The following PTPRD variants were observed in gnomAD, a reference collection of about 807,000 sequenced individuals.
PTPRD encodes the protein receptor-type tyrosine-protein phosphatase delta.
Under a neutral mutation model 214.5 loss-of-function variants are expected in PTPRD, and 34 were observed. The observed-to-expected ratio is 0.16, with a 90% CI of 0.12 to 0.21. The LOEUF is 0.21. Ranked by LOEUF, PTPRD falls within the 10% of genes least tolerant of loss-of-function variation. The probability of loss-of-function intolerance (pLI) is 1.00; values close to 1 mark genes in which losing one functional copy is unlikely to be tolerated. For missense variants in PTPRD, 2,545 were observed against 2,398.7 expected (o/e 1.06, Z -1.27); for synonymous variants, 1,128 against 845.7 (o/e 1.33, Z -5.79).
At chr9:10,155,709 G>A (rs1429793948) in intron 3 of PTPRD, among the ~76,000 whole-genome samples, 2 of 152,052 alleles carry the variant, frequency 1.3e-5, no homozygotes, top group African/African-American at 4.8e-5. Context: ...TAAGTATGTG[G>A]TTTTGTCTTT....
intron 2 of PTPRD, among the ~76,000 whole-genome samples, chr9:10,449,340 G>A (rs1167112871): frequency 3.3e-5 from 5 of 151,926 alleles, no homozygotes; most frequent in Non-Finnish European, 5.9e-5. Flanking sequence ...CTCACTCAGT[G>A]CTCAATGTCG....
chr9:9,797,925 G>A (rs1012292767), intron 5 of PTPRD, among the ~76,000 whole-genome samples: 1 of 152,078 alleles, frequency 6.6e-6, no homozygotes, highest in Non-Finnish European at 1.5e-5. Flanking sequence ...AGAAAATGAT[G>A]GATTTGAGGT....
At chr9:9,443,586 G>A (rs2089176495) in intron 8 of PTPRD, among the ~76,000 whole-genome samples, 1 of 152,164 alleles carries the variant, frequency 6.6e-6, no homozygotes, top group Admixed American at 6.5e-5. Flanking sequence ...TGTTACGTAA[G>A]AAGTCTGACT....
intron 7 of PTPRD, among the ~76,000 whole-genome samples, chr9:9,649,119 C>G (rs548666190): frequency 6.6e-6 from 1 of 152,170 alleles, no homozygotes; most frequent in East Asian, 1.9e-4. Context: ...TATTCAGGGT[C>G]TGTGACTAAT....
intron 9 of PTPRD, among the ~76,000 whole-genome samples, chr9:9,223,389 T>A (rs1303431257): frequency 1.3e-5 from 2 of 152,034 alleles, no homozygotes; most frequent in East Asian, 3.9e-4. Flanking sequence ...TGTAAGAAGA[T>A]GAATTCCACA....
At chr9:8,499,624 G>A (rs2136794956) in intron 25 of PTPRD, 23 bp downstream of exon 25, 1 of 1,595,858 alleles carries the variant, frequency 6.3e-7, no homozygotes, top group Non-Finnish European at 8.5e-7. Context: ...TAAAAACAGA[G>A]GTACATAATT....
At chr9:9,501,437 G>T (rs1184006052) in intron 8 of PTPRD, among the ~76,000 whole-genome samples, 1 of 151,828 alleles carries the variant, frequency 6.6e-6, no homozygotes, top group Non-Finnish European at 1.5e-5. Context: ...AATCATATAT[G>T]TGTATGCACC....
At chr9:8,539,503 T>C (rs1250641473) in intron 14 of PTPRD, among the ~76,000 whole-genome samples, 1 of 151,834 alleles carries the variant, frequency 6.6e-6, no homozygotes, top group Non-Finnish European at 1.5e-5. Flanking sequence ...TTTAACTATT[T>C]TTAAAATAAT....
intron 5 of PTPRD, among the ~76,000 whole-genome samples, chr9:9,794,201 G>GTA (rs112615686): frequency 0.14 from 20,271 of 146,876 alleles, 1,628 homozygotes; most frequent in African/African-American, 0.22. Flanking sequence ...GTGTGTGTGT[G>GTA]TATATATATA....
intron 3 of PTPRD, among the ~76,000 whole-genome samples, chr9:10,239,201 T>C (rs1564721232): frequency 2.0e-5 from 3 of 151,952 alleles, no homozygotes; most frequent in Non-Finnish European, 4.4e-5. Context: ...AAATCAATAG[T>C]TGTTTTCCAT....
intron 14 of PTPRD, among the ~76,000 whole-genome samples, chr9:8,544,064 T>C (rs2079186443): frequency 6.6e-6 from 1 of 151,916 alleles, no homozygotes; most frequent in South Asian, 2.1e-4. Context: ...ACCATAGTAC[T>C]GGTTTTTGGG....
intron 9 of PTPRD, among the ~76,000 whole-genome samples, chr9:9,331,798 A>G (rs980662184): frequency 6.6e-6 from 1 of 152,062 alleles, no homozygotes; most frequent in Non-Finnish European, 1.5e-5. Context: ...TAGCAGAAGA[A>G]GGGCATGCAC....
intron 3 of PTPRD, among the ~76,000 whole-genome samples, chr9:10,296,658 A>G (rs2095684434): frequency 6.6e-6 from 1 of 151,974 alleles, no homozygotes; most frequent in South Asian, 2.1e-4. Context: ...ACCTAGATTG[A>G]ACCATCAGTG....
At chr9:9,446,271 C>T (rs1206395672) in intron 8 of PTPRD, among the ~76,000 whole-genome samples, 1 of 152,120 alleles carries the variant, frequency 6.6e-6, no homozygotes, top group African/African-American at 2.4e-5. Flanking sequence ...ACTTATACAT[C>T]TGTCCTCCCA....
intron 12 of PTPRD, among the ~76,000 whole-genome samples, chr9:8,701,190 G>C (rs1480425206): frequency 2.0e-5 from 3 of 151,952 alleles, no homozygotes; most frequent in African/African-American, 7.3e-5. Flanking sequence ...TTTTATTTTA[G>C]TGCCATAATT....
intron 8 of PTPRD, among the ~76,000 whole-genome samples, chr9:9,559,448 T>C (rs1242781513): frequency 6.6e-6 from 1 of 152,232 alleles, no homozygotes; most frequent in Non-Finnish European, 1.5e-5. Flanking sequence ...TAGCCAAAAC[T>C]ATCTGTGGTC....
intron 12 of PTPRD, among the ~76,000 whole-genome samples, chr9:8,726,725 C>T (rs2098579332): frequency 7.1e-6 from 1 of 141,230 alleles, no homozygotes; most frequent in Non-Finnish European, 1.5e-5. Context: ...TGCTTGAACC[C>T]AGGAGATGGA....
At chr9:10,530,895 T>A (rs1045641780) in intron 2 of PTPRD, among the ~76,000 whole-genome samples, 1 of 152,002 alleles carries the variant, frequency 6.6e-6, no homozygotes, top group African/African-American at 2.4e-5. Flanking sequence ...AATGCCCTAT[T>A]AAATCCACCA....
chr9:9,957,640 A>C (rs1459559276), intron 4 of PTPRD, among the ~76,000 whole-genome samples: 1 of 152,130 alleles, frequency 6.6e-6, no homozygotes, highest in African/African-American at 2.4e-5. Flanking sequence ...TATCTCTCAT[A>C]AACAAAAAGC....
Sources: allele counts gnomAD v4.1 joint callset (sites outside exome capture counted in the v4.1 genomes callset), GRCh38; gene constraint gnomAD v4.1.1; transcripts MANE v1.5; gene names NCBI Gene and HGNC (gene_info 2026-07-23, HGNC 2026-07-21).